RPAP1: variants seen among roughly 807,000 people sequenced by gnomAD.
The protein encoded by RPAP1 is RNA polymerase II associated protein 1.
RPAP1 carries 109 observed loss-of-function variants against 142.4 expected under a neutral mutation model. The ratio of observed to expected loss-of-function variants is 0.77; its 90% CI spans 0.66 to 0.90. RPAP1 has a LOEUF of 0.90. Among genes scored for constraint, RPAP1 ranks in the 40% least tolerant of loss-of-function variants. RPAP1 has a pLI of 0.00. For missense variants in RPAP1, 1,546 were observed against 1,751.7 expected (o/e 0.88, Z 2.10); for synonymous variants, 704 against 738.9 (o/e 0.95, Z 0.77).
intron 6 of RPAP1, among the ~76,000 whole-genome samples, chr15:41,533,611 C>G (rs963486164): frequency 7.2e-5 from 11 of 151,786 alleles, no homozygotes; most frequent in Admixed American, 2.0e-4. Flanking sequence ...TTTGATCCAC[C>G]TGAGGTCAAG....
intron 12 of RPAP1, 47 bp downstream of exon 12, chr15:41,527,376 G>A (rs2051803692): frequency 2.5e-6 from 4 of 1,612,974 alleles, no homozygotes; most frequent in African/African-American, 1.3e-5. Context: ...TTTCCAGCAT[G>A]TGCTTGTCCC....
intron 1 of RPAP1, among the ~76,000 whole-genome samples, chr15:41,538,584 T>G (rs1300580460): frequency 6.6e-6 from 1 of 152,204 alleles, no homozygotes; most frequent in African/African-American, 2.4e-5. Flanking sequence ...TGATAAAATA[T>G]GCATATTTCT....
In RPAP1 at chr15:41,534,774, G is replaced by A. The variant is rs1033076501; in HGVS notation, c.703C>T (p.Leu235=). The change falls in exon 6 of 25, where the codon CTG becomes TTG. Residue 235 remains leucine, a synonymous_variant. Transcript: ENST00000304330. ...QTIHEENIAR[L]QAMAPEEILQ... ...ATCTCCTCAGGAGCCATGGCCTGCAGTCTTGCTATGTTCTCTTCATGGATA... is the reference window on the plus strand; with the variant it reads ...ATCTCCTCAGGAGCCATGGCCTGCAATCTTGCTATGTTCTCTTCATGGATA... 2 of 1,613,898 alleles carry A rather than the reference G, an allele frequency of 1.2e-6. No individual in the cohort carries two copies. Among genetic ancestry groups the A allele is most frequent in the African/African-American group, 2.7e-5 (2 of 74,888 alleles).
rs1311650764 is a variant in RPAP1 at position 41,520,687 on chromosome 15, T to C, written c.3499A>G (p.Ser1167Gly). 1 of 1,613,986 alleles carries C rather than the reference T, an allele frequency of 6.2e-7. No individual in the cohort carries two copies. The highest frequency in any genetic ancestry group is 8.5e-7 in the Non-Finnish European group (1 of 1,180,042). Residue 1167 changes from serine to glycine, a missense_variant, in exon 22 of 25, where the codon AGT becomes GGT. Transcript: ENST00000304330. ...ACTGGGGACTCCCGGAACAGCTCAC[T>C]GTCCACCAGGAACACACACATGAGC... The part of the protein sequence containing the change: ...ARLMCVFLVD[S>G]ELFRESPVQH...
intron 20 of RPAP1, 80 bp from the exon 21 acceptor site, chr15:41,521,960 G>A: frequency 1.3e-6 from 2 of 1,571,528 alleles, no homozygotes; most frequent in South Asian, 2.3e-5. Context: ...GGATAAAAGT[G>A]AGGCTGAAGG....
rs781660951 is a variant in RPAP1, at chr15:41,523,807, C to T, written c.2400G>A (p.Leu800=). 5 of 1,608,296 alleles carry T rather than the reference C, an allele frequency of 3.1e-6. No homozygotes were observed. The highest frequency in any genetic ancestry group is 2.7e-5 in the African/African-American group (2 of 74,832). ...AGGCCTGGTAGTAGGCTCCCAGGAA[C>T]AACAGGCAGGCAACGGGCACTGGGC... ...AVGPVPVACL[L]FLGAYYQAWS... The change falls in exon 17 of 25, where the codon TTG becomes TTA. Residue 800 remains leucine, a synonymous_variant. Coordinates refer to ENST00000304330, the MANE Select transcript of RPAP1 (RefSeq NM_015540.4).
intron 8 of RPAP1, 24 bp downstream of exon 8, chr15:41,529,840 T>A (rs2051830142): frequency 6.4e-7 from 1 of 1,553,090 alleles, no homozygotes; most frequent in Non-Finnish European, 8.8e-7. Flanking sequence ...ACCCACCCCT[T>A]GTAGGCCAGG....
Position 41,517,874 on chromosome 15 carries a change from G to T in RPAP1, c.3973-17C>A. On this transcript the variant is annotated splice_polypyrimidine_tract_variant and intron_variant, in intron 23 of 24. Transcript: ENST00000304330. ...GACCTCATCCTAGAAGCAGAACAGG[G>T]AGAGGTGGCACTGAGCCGAGGGCTG... is the stretch of plus-strand genomic sequence containing the variant. 6.2e-7 allele frequency: 1 copy of T among 1,614,122 alleles called. No homozygotes were observed. The highest frequency in any genetic ancestry group is 1.1e-5 in the South Asian group (1 of 91,074).
intron 1 of RPAP1, among the ~76,000 whole-genome samples, chr15:41,540,886 G>A (rs1353759097): frequency 1.3e-5 from 2 of 152,146 alleles, no homozygotes; most frequent in Admixed American, 1.3e-4. Context: ...CTTTATAGCT[G>A]GGTAATTCTT....
At position 41,532,443 on chromosome 15, in the gene RPAP1, G is replaced by A. The variant is rs535640888; in HGVS notation, c.764-1241C>T. ...CCTCCCAAAGTGCTGGAATTACAGG[G>A]CAAGGCACCATACTGAGCCCTAACA... is the stretch of plus-strand genomic sequence containing the variant. On this transcript the variant is annotated intron_variant, in intron 6 of 24. Transcript: ENST00000304330. 2.6e-5 allele frequency among the ~76,000 whole-genome samples: 4 copies of A among 152,104 alleles called. No homozygotes were observed. The South Asian group carries it at 8.3e-4, about 32-fold the overall frequency.
At chr15:41,529,440 T>C (rs1390784694) in intron 9 of RPAP1, 30 bp downstream of exon 9, 1 of 1,456,710 alleles carries the variant, frequency 6.9e-7, no homozygotes, top group Non-Finnish European at 9.6e-7. Flanking sequence ...TTAAAAGAGC[T>C]GCCCCATCCT....
In RPAP1 at chr15:41,527,946, G is replaced by A. The variant is rs750338638; in HGVS notation, c.1342C>T (p.Arg448Cys). The A allele has an allele frequency of 1.1e-5, 17 of 1,614,094 alleles. No individual in the cohort carries two copies. The highest frequency in any genetic ancestry group is 2.2e-5 in the East Asian group (1 of 44,876). ...LLDAGFLFLL[R>C]FSLDDRVDGV... ...TCCACTCTGTCATCCAAGGAGAAGC[G>A]CAGTAGGAAGAGGAAACCAGCATCC... The change falls in exon 11 of 25, where the codon CGC becomes TGC. Residue 448 changes from arginine to cysteine, a missense_variant. Arg to Cys is a radical substitution (Grantham distance 180). Coordinates refer to ENST00000304330, the MANE Select transcript of RPAP1 (RefSeq NM_015540.4).
intron 17 of RPAP1, 100 bp from the exon 18 acceptor site, chr15:41,523,454 G>A (rs1475009292): frequency 6.5e-6 from 5 of 769,872 alleles, no homozygotes; most frequent in Non-Finnish European, 6.4e-6. Flanking sequence ...GCCCAAAAGA[G>A]CACATTTGGA....
intron 8 of RPAP1, 29 bp downstream of exon 8, chr15:41,529,835 C>G: frequency 6.6e-7 from 1 of 1,526,630 alleles, no homozygotes; most frequent in African/African-American, 1.4e-5. Context: ...ATCTCACCCA[C>G]CCCTTGTAGG....
chr15:41,541,928 C>T (rs1443113361), intron 1 of RPAP1, among the ~76,000 whole-genome samples: 1 of 152,168 alleles, frequency 6.6e-6, no homozygotes, highest in Non-Finnish European at 1.5e-5. Context: ...ATAACTAAGC[C>T]AGCCTTGGAA....
intron 6 of RPAP1, chr15:41,533,534 TAAAA>T (rs1256078823): frequency 2.1e-5 from 3 of 144,754 alleles, no homozygotes; most frequent in Non-Finnish European, 4.5e-5. Context: ...ACAAAAACCT[TAAAA>T]GAAATTCGCT....
chr15:41,522,305 G>A, intron 19 of RPAP1, 55 bp from the exon 20 acceptor site: 1 of 1,547,130 alleles, frequency 6.5e-7, no homozygotes, highest in Non-Finnish European at 8.8e-7. Context: ...GCCTTCTAGG[G>A]CTCCCCAGGT....
chr15:41,523,379 G>A (rs893444460), intron 17 of RPAP1, 25 bp from the exon 18 acceptor site: 3 of 1,431,784 alleles, frequency 2.1e-6, no homozygotes, highest in Non-Finnish European at 2.9e-6. Flanking sequence ...AATTCACTGA[G>A]CTGATGGCCC....
rs370208090 is a variant in RPAP1, at chr15:41,527,888, C to G, written c.1400G>C (p.Arg467Pro). 5.6e-6 allele frequency: 9 copies of G among 1,613,906 alleles called. No homozygotes were observed. Among genetic ancestry groups the G allele is most frequent in the African/African-American group, 1.3e-5 (1 of 74,882 alleles). Residue 467 changes from arginine (R) to proline (P), a missense_variant, in exon 11 of 25, where the codon CGG becomes CCG. Arg to Pro is a moderately radical substitution (Grantham distance 103). Coordinates refer to ENST00000304330, the MANE Select transcript of RPAP1 (RefSeq NM_015540.4). Reference protein sequence around the residue: ...GVIATAIRALRALLVAPGDEE... With the variant: ...GVIATAIRALPALLVAPGDEE... ...ATCTCCAGGAGCCACCAGCAGAGCCCGAAGAGCACGGATGGCGGTTGCAAT... is the reference window on the plus strand; with the variant it reads ...ATCTCCAGGAGCCACCAGCAGAGCCGGAAGAGCACGGATGGCGGTTGCAAT...
Sources: gnomAD v4.1 joint callset for allele counts (sites outside exome capture counted in the v4.1 genomes callset) on GRCh38, gnomAD v4.1.1 for gene constraint, MANE v1.5 for transcripts, NCBI Gene and HGNC (gene_info 2026-07-23, HGNC 2026-07-21) for gene names.